The following GREB1L variants were observed in gnomAD, a reference collection of about 807,000 sequenced individuals.
GREB1L encodes GREB1-like protein.
Under a neutral mutation model 200.8 loss-of-function variants are expected in GREB1L, and 17 were observed. The ratio of observed to expected loss-of-function variants is 0.08; its 90% CI spans 0.06 to 0.13. The LOEUF is 0.13. Among genes scored for constraint, GREB1L ranks in the 10% least tolerant of loss-of-function variants. The probability of loss-of-function intolerance (pLI) is 1.00; values close to 1 mark genes in which losing one functional copy is unlikely to be tolerated. For synonymous variants in GREB1L, 789 were observed against 893.0 expected (o/e 0.88, Z 2.08); for missense variants, 1,657 against 2,367.7 (o/e 0.70, Z 6.23).
chr18:21,348,388 C>G (rs150575145), intron 1 of GREB1L, among the ~76,000 whole-genome samples: 79 of 152,142 alleles, frequency 5.2e-4, no homozygotes, highest in African/African-American at 1.9e-3. Flanking sequence ...CCAGTAATCC[C>G]AGCACTCTAG....
chr18:21,460,933 T>A (rs2035018317), intron 15 of GREB1L, among the ~76,000 whole-genome samples: 1 of 151,008 alleles, frequency 6.6e-6, no homozygotes, highest in Admixed American at 6.6e-5. Flanking sequence ...CCTGTCTCTA[T>A]TAAAAACACA....
intron 1 of GREB1L, among the ~76,000 whole-genome samples, chr18:21,327,602 T>C (rs2039041436): frequency 6.6e-6 from 1 of 151,462 alleles, no homozygotes; most frequent in South Asian, 2.1e-4. Context: ...GCACATTTGA[T>C]CACACCATTC....
At chr18:21,353,112 GC>G (rs1266985284) in intron 1 of GREB1L, among the ~76,000 whole-genome samples, 1 of 151,722 alleles carries the variant, frequency 6.6e-6, no homozygotes, top group Non-Finnish European at 1.5e-5. Context: ...AACCTGGGAA[GC>G]GGAACTTGCA....
At chr18:21,423,677 T>C (rs927251472) in intron 7 of GREB1L, among the ~76,000 whole-genome samples, 3 of 152,008 alleles carry the variant, frequency 2.0e-5, no homozygotes, top group Non-Finnish European at 4.4e-5. Context: ...CTGGGCAACA[T>C]AGGGAGACCT....
chr18:21,354,106 G>A (rs765465544), intron 1 of GREB1L, among the ~76,000 whole-genome samples: 11 of 152,098 alleles, frequency 7.2e-5, no homozygotes, highest in African/African-American at 9.6e-5. Flanking sequence ...TAATTCTTTC[G>A]TAATTGTTAT....
intron 1 of GREB1L, among the ~76,000 whole-genome samples, chr18:21,310,609 T>C (rs777887551): frequency 2.6e-5 from 4 of 152,172 alleles, no homozygotes; most frequent in Non-Finnish European, 5.9e-5. Flanking sequence ...AATGTTATGA[T>C]TAAAACAGTT....
At chr18:21,496,407 G>T in intron 20 of GREB1L, 47 bp from the exon 21 acceptor site, 1 of 1,546,700 alleles carries the variant, frequency 6.5e-7, no homozygotes, top group Non-Finnish European at 8.7e-7. Context: ...TACACACTGC[G>T]TGCCTGGCCA....
chr18:21,503,797 C>T (rs1479712922), intron 23 of GREB1L, among the ~76,000 whole-genome samples: 3 of 148,002 alleles, frequency 2.0e-5, no homozygotes, highest in African/African-American at 5.0e-5. Context: ...AGACTGGTCT[C>T]GAACTCCTAG....
chr18:21,362,004 C>G (rs1418439987), intron 1 of GREB1L, among the ~76,000 whole-genome samples: 2 of 151,980 alleles, frequency 1.3e-5, no homozygotes, highest in Non-Finnish European at 2.9e-5. Context: ...ATAAAGTCTC[C>G]TAGTTAAAGA....
At chr18:21,443,137 A>G (rs970366027) in intron 10 of GREB1L, among the ~76,000 whole-genome samples, 10 of 151,700 alleles carry the variant, frequency 6.6e-5, no homozygotes, top group African/African-American at 2.4e-4. Context: ...TCCTGACCTC[A>G]AGCAATCTGC....
chr18:21,258,215 G>A (rs574019682), intron 1 of GREB1L, among the ~76,000 whole-genome samples: 2 of 152,266 alleles, frequency 1.3e-5, no homozygotes, highest in Admixed American at 6.5e-5. Flanking sequence ...TTTAGCCTTT[G>A]CACATACCAC....
intron 2 of GREB1L, among the ~76,000 whole-genome samples, chr18:21,372,532 G>A (rs910076994): frequency 2.0e-5 from 3 of 152,034 alleles, no homozygotes; most frequent in Non-Finnish European, 2.9e-5. Flanking sequence ...ATCAGCTGTC[G>A]ATAGTGTATT....
chr18:21,521,369 C>T (rs572012980), intron 32 of GREB1L, among the ~76,000 whole-genome samples: 9 of 146,322 alleles, frequency 6.2e-5, no homozygotes, highest in African/African-American at 2.3e-4. Flanking sequence ...GAAACTCCAT[C>T]TCAAAAAAAA....
At chr18:21,441,780 C>T (rs990182263) in intron 10 of GREB1L, among the ~76,000 whole-genome samples, 1 of 152,158 alleles carries the variant, frequency 6.6e-6, no homozygotes, top group Non-Finnish European at 1.5e-5. Flanking sequence ...GAGCCACCAG[C>T]GTTGGTAAAT....
intron 1 of GREB1L, among the ~76,000 whole-genome samples, chr18:21,298,708 A>G (rs1425152070): frequency 6.6e-6 from 1 of 152,242 alleles, no homozygotes; most frequent in Non-Finnish European, 1.5e-5. Flanking sequence ...CTGAGGCAGG[A>G]GAATCGCTTG....
intron 30 of GREB1L, among the ~76,000 whole-genome samples, chr18:21,517,228 T>G (rs531698454): frequency 6.6e-5 from 10 of 152,302 alleles, no homozygotes; most frequent in African/African-American, 2.4e-4. Flanking sequence ...CTGAGACTCA[T>G]CTAGAGCCAA....
At chr18:21,507,756 C>T (rs1212254963) in intron 25 of GREB1L, among the ~76,000 whole-genome samples, 4 of 152,160 alleles carry the variant, frequency 2.6e-5, no homozygotes, top group Admixed American at 2.0e-4. Context: ...TGTTTCCCTC[C>T]GATTAACAGG....
At chr18:21,471,620 C>CTTTTT (rs77038675) in intron 15 of GREB1L, among the ~76,000 whole-genome samples, 1 of 142,352 alleles carries the variant, frequency 7.0e-6, no homozygotes, top group African/African-American at 2.9e-5. Context: ...TCTTTTGTTT[C>CTTTTT]TTTTTTTTTT....
At chr18:21,383,979 G>T (rs1385667690) in intron 3 of GREB1L, among the ~76,000 whole-genome samples, 1 of 152,126 alleles carries the variant, frequency 6.6e-6, no homozygotes, top group African/African-American at 2.4e-5. Context: ...CTCCCAAAGT[G>T]CTGGGATTAC....
Sources: gnomAD v4.1 joint callset for allele counts (sites outside exome capture counted in the v4.1 genomes callset) on GRCh38, gnomAD v4.1.1 for gene constraint, MANE v1.5 for transcripts, NCBI Gene and HGNC (gene_info 2026-07-23, HGNC 2026-07-21) for gene names.